TSPAN12: variants seen among roughly 807,000 people sequenced by gnomAD.
TSPAN12 encodes tetraspanin-12.
Under a neutral mutation model 39.2 loss-of-function variants are expected in TSPAN12, and 19 were observed. The observed-to-expected ratio is 0.49, with a 90% CI of 0.34 to 0.71. The LOEUF is 0.71. Ranked by LOEUF, TSPAN12 falls within the 30% of genes least tolerant of loss-of-function variation. The probability of loss-of-function intolerance (pLI) is 0.01; values close to 1 mark genes in which losing one functional copy is unlikely to be tolerated. For missense variants in TSPAN12, 314 were observed against 359.9 expected, an observed-to-expected ratio of 0.87 and a Z score of 1.03; for synonymous variants, 119 against 124.8, an observed-to-expected ratio of 0.95 and a Z score of 0.31.
chr7:120,839,863 C>G (rs1794545139), intron 3 of TSPAN12, among the ~76,000 whole-genome samples, 164 bp downstream of exon 3: 1 of 152,056 alleles, frequency 6.6e-6, no homozygotes, highest in South Asian at 2.1e-4. Context: ...CAGAGGCGCA[C>G]CTTAAGGAGA....
chr7:120,844,144 AACTC>A (rs1378782294), intron 2 of TSPAN12, among the ~76,000 whole-genome samples: 1 of 152,046 alleles, frequency 6.6e-6, no homozygotes, highest in Non-Finnish European at 1.5e-5. Context: ...ACCTCTTGAG[AACTC>A]ACTCACTACC....
At chr7:120,824,112 A>T (rs116244858) in intron 4 of TSPAN12, among the ~76,000 whole-genome samples, 1,602 of 152,232 alleles carry the variant, frequency 0.011, 33 homozygotes, top group African/African-American at 0.036. Context: ...ACAAAAATAT[A>T]AAAAATGTAT....
At chr7:120,820,311 TA>T (rs963720699) in intron 4 of TSPAN12, among the ~76,000 whole-genome samples, 11 of 152,012 alleles carry the variant, frequency 7.2e-5, no homozygotes, top group Admixed American at 1.3e-4. Flanking sequence ...CTGATAAAGA[TA>T]AAAAAAAGAA....
chr7:120,825,430 A>G (rs556582042), intron 4 of TSPAN12, among the ~76,000 whole-genome samples: 5 of 152,278 alleles, frequency 3.3e-5, no homozygotes, highest in Admixed American at 2.0e-4. Context: ...TCAAAATATA[A>G]CACACTTTAC....
chr7:120,791,735 C>T (rs1040069222), intron 7 of TSPAN12, among the ~76,000 whole-genome samples: 1 of 152,280 alleles, frequency 6.6e-6, no homozygotes, highest in South Asian at 2.1e-4. Context: ...AAGTCTATTT[C>T]AGTTTATCTT....
chr7:120,811,201 C>T (rs1793974544), intron 5 of TSPAN12, among the ~76,000 whole-genome samples: 1 of 152,138 alleles, frequency 6.6e-6, no homozygotes, highest in Admixed American at 6.5e-5. Flanking sequence ...CCTTAAAGAA[C>T]TAAAAGTGGA....
At chr7:120,820,039 C>T (rs900565567) in intron 4 of TSPAN12, among the ~76,000 whole-genome samples, 3 of 152,130 alleles carry the variant, frequency 2.0e-5, no homozygotes, top group Non-Finnish European at 2.9e-5. Flanking sequence ...TTACTGGGAA[C>T]AGGTATGTAT....
In TSPAN12 at chr7:120,788,364, G is replaced by A; in HGVS notation, c.*228C>T. The A allele has an allele frequency of 3.6e-6, 2 of 561,794 alleles. No individual in the cohort carries two copies. The highest frequency in any genetic ancestry group is 2.0e-5 in the South Asian group (1 of 49,652). The allele number at this position is 561,794 out of a possible 1,614,324, so 34.8% of individuals were successfully genotyped here. On this transcript the variant is annotated 3_prime_UTR_variant, in exon 8 of 8. Transcript: ENST00000222747. ...AAAGTCATACACAGGCTACACAGTG[G>A]GTATGACATCTGTCTTCAGCATTTT...
At chr7:120,805,595 C>T (rs1051831623) in intron 7 of TSPAN12, among the ~76,000 whole-genome samples, 2 of 152,004 alleles carry the variant, frequency 1.3e-5, no homozygotes, top group African/African-American at 4.8e-5. Context: ...TGATCCCAAC[C>T]CCTTAGCCTA....
intron 4 of TSPAN12, among the ~76,000 whole-genome samples, chr7:120,835,385 T>A (rs1401194538): frequency 6.6e-6 from 1 of 152,198 alleles, no homozygotes; most frequent in Non-Finnish European, 1.5e-5. Context: ...TCGTCAGGTT[T>A]AAAATGAAAA....
chr7:120,855,576 A>C (rs937525170), intron 2 of TSPAN12, among the ~76,000 whole-genome samples: 2 of 152,246 alleles, frequency 1.3e-5, no homozygotes, highest in African/African-American at 4.8e-5. Context: ...TACATTTCCA[A>C]ATGGTGAATT....
chr7:120,842,384 G>T (rs545569740), intron 2 of TSPAN12, among the ~76,000 whole-genome samples: 1 of 151,204 alleles, frequency 6.6e-6, no homozygotes, highest in Non-Finnish European at 1.5e-5. Flanking sequence ...TAAGATCCAG[G>T]CCTTCTTGGA....
chr7:120,805,862 T>A (rs1029960099), intron 7 of TSPAN12, among the ~76,000 whole-genome samples: 5 of 152,160 alleles, frequency 3.3e-5, no homozygotes, highest in African/African-American at 1.2e-4. Context: ...AGTCTTAGAT[T>A]TTAATCTGAA....
chr7:120,832,206 C>T (rs1453924597), intron 4 of TSPAN12, among the ~76,000 whole-genome samples: 1 of 152,046 alleles, frequency 6.6e-6, no homozygotes, highest in Non-Finnish European at 1.5e-5. Context: ...TACCCTTATC[C>T]ATGGCTTCTG....
At chr7:120,802,274 C>T (rs1339621473) in intron 7 of TSPAN12, among the ~76,000 whole-genome samples, 1 of 152,164 alleles carries the variant, frequency 6.6e-6, no homozygotes, top group Non-Finnish European at 1.5e-5. Context: ...TAATCACGGG[C>T]CCAGACCACC....
At chr7:120,853,961 T>A (rs1794821332) in intron 2 of TSPAN12, among the ~76,000 whole-genome samples, 1 of 150,334 alleles carries the variant, frequency 6.7e-6, no homozygotes, top group African/African-American at 2.4e-5. Context: ...ACAGATAACA[T>A]AAATGAAATT....
At chr7:120,810,060 A>G (rs1274128574) in intron 6 of TSPAN12, among the ~76,000 whole-genome samples, 1 of 152,180 alleles carries the variant, frequency 6.6e-6, no homozygotes, top group African/African-American at 2.4e-5. Context: ...ACTGACTTCA[A>G]AGTCCCAAAT....
intron 7 of TSPAN12, among the ~76,000 whole-genome samples, chr7:120,794,216 C>A (rs1006740275): frequency 6.6e-6 from 1 of 152,178 alleles, no homozygotes; most frequent in African/African-American, 2.4e-5. Flanking sequence ...AGTAAAAGCA[C>A]AAATTTCTCT....
intron 7 of TSPAN12, among the ~76,000 whole-genome samples, chr7:120,793,956 C>T (rs185461423): frequency 3.3e-5 from 5 of 152,142 alleles, no homozygotes; most frequent in African/African-American, 1.2e-4. Flanking sequence ...GTTTGCTCTC[C>T]TAACATTAGA....
Sources: allele counts gnomAD v4.1 joint callset (sites outside exome capture counted in the v4.1 genomes callset), GRCh38; gene constraint gnomAD v4.1.1; transcripts MANE v1.5; gene names NCBI Gene and HGNC (gene_info 2026-07-23, HGNC 2026-07-21).